Variants in SETBP1 observed in about 807,000 individuals in gnomAD.
SETBP1 encodes SET binding protein 1, also known as SET-binding protein.
SETBP1 carries 9 observed loss-of-function variants against 101.0 expected under a neutral mutation model. The observed-to-expected ratio is 0.09, with a 90% confidence interval of 0.05 to 0.16. The LOEUF is 0.16. SETBP1 is among the 10% of genes least tolerant of loss of function. The pLI is 1.00. For missense variants in SETBP1, 1,858 were observed against 2,033.8 expected, an observed-to-expected ratio of 0.91 and a Z score of 1.66; for synonymous variants, 818 against 788.5, an observed-to-expected ratio of 1.04 and a Z score of -0.63.
intron 2 of SETBP1, among the ~76,000 whole-genome samples, chr18:44,812,112 T>C (rs988383719): frequency 1.3e-5 from 2 of 152,044 alleles, no homozygotes; most frequent in African/African-American, 4.8e-5. Flanking sequence ...GGGGCTCTCA[T>C]GAGGAGACTC....
intron 2 of SETBP1, among the ~76,000 whole-genome samples, chr18:44,767,615 T>A (rs2070786115): frequency 1.3e-5 from 2 of 152,266 alleles, no homozygotes; most frequent in Non-Finnish European, 2.9e-5. Context: ...TTAAATGTGA[T>A]ATGCGTTATT....
intron 2 of SETBP1, among the ~76,000 whole-genome samples, chr18:44,709,080 C>T (rs978149790): frequency 1.3e-5 from 2 of 152,112 alleles, no homozygotes; most frequent in African/African-American, 2.4e-5. Flanking sequence ...ATCCCTCAAC[C>T]CCGTCTTCTA....
intron 2 of SETBP1, among the ~76,000 whole-genome samples, chr18:44,715,723 G>C (rs765622456): frequency 3.9e-5 from 6 of 152,206 alleles, no homozygotes; most frequent in African/African-American, 7.2e-5. Context: ...CTGTATAGTA[G>C]ATTTCCAACA....
chr18:44,724,159 A>T (rs1432183278), intron 2 of SETBP1, among the ~76,000 whole-genome samples: 1 of 152,170 alleles, frequency 6.6e-6, no homozygotes, highest in Non-Finnish European at 1.5e-5. Context: ...AGTGGTTCTA[A>T]TGTTGGATGT....
rs535577749 is a variant in SETBP1, at chr18:44,859,856, T to A, written c.487-9374T>A. Among the ~76,000 whole-genome samples the A allele has an allele frequency of 3.2e-4, 49 of 152,368 alleles. No individual in the cohort carries two copies. In the South Asian group the frequency reaches 5.2e-3, roughly 16 times the overall value. On this transcript the variant is annotated intron_variant, in intron 2 of 5. Transcript: ENST00000649279. Reference sequence around the variant, plus strand: ...CAACTACAAGGTTCAGTTCATTGAGTTCTGCCTGGCTTTATCCCTTTCGGA... The same window carrying A: ...CAACTACAAGGTTCAGTTCATTGAGATCTGCCTGGCTTTATCCCTTTCGGA...
At chr18:44,872,757 C>T (rs1042803529) in intron 3 of SETBP1, among the ~76,000 whole-genome samples, 3 of 152,230 alleles carry the variant, frequency 2.0e-5, no homozygotes, top group African/African-American at 7.2e-5. Context: ...CACATGCTTA[C>T]GAGGTGGGGG....
At chr18:44,737,849 G>T (rs1441050461) in intron 2 of SETBP1, among the ~76,000 whole-genome samples, 1 of 152,180 alleles carries the variant, frequency 6.6e-6, no homozygotes, top group Admixed American at 6.5e-5. Flanking sequence ...AATCCCATCA[G>T]CATGGGCCAA....
intron 2 of SETBP1, among the ~76,000 whole-genome samples, chr18:44,839,088 C>A (rs1178230865): frequency 4.0e-5 from 6 of 149,956 alleles, no homozygotes; most frequent in African/African-American, 9.7e-5. Flanking sequence ...AAAAAAAAAA[C>A]CCAGCCTTCT....
intron 4 of SETBP1, among the ~76,000 whole-genome samples, chr18:45,020,292 A>AAAAC (rs2073032462): frequency 7.5e-6 from 1 of 132,696 alleles, no homozygotes; most frequent in Non-Finnish European, 1.6e-5. Flanking sequence ...AAAAAAAAAA[A>AAAAC]AAAGTGGCTT....
At chr18:44,942,977 T>C (rs1038231914) in intron 3 of SETBP1, among the ~76,000 whole-genome samples, 1 of 152,180 alleles carries the variant, frequency 6.6e-6, no homozygotes, top group African/African-American at 2.4e-5. Context: ...ACATATTTAA[T>C]TGGAAACTTC....
At chr18:44,697,661 A>G (rs550202736) in intron 1 of SETBP1, among the ~76,000 whole-genome samples, 1 of 152,362 alleles carries the variant, frequency 6.6e-6, no homozygotes, top group African/African-American at 2.4e-5. Context: ...AGCTGCAATC[A>G]TGTTAGAGAA....
intron 3 of SETBP1, among the ~76,000 whole-genome samples, chr18:44,883,791 C>G (rs1440767920): frequency 6.6e-6 from 1 of 152,066 alleles, no homozygotes; most frequent in Non-Finnish European, 1.5e-5. Context: ...TCCAAAAATT[C>G]TCAGCTGTTA....
intron 5 of SETBP1, among the ~76,000 whole-genome samples, chr18:45,045,457 C>T (rs930818769): frequency 1.3e-5 from 2 of 151,116 alleles, no homozygotes; most frequent in Admixed American, 6.6e-5. Context: ...TGGCAGATTC[C>T]AAGCCTTTAA....
At chr18:44,984,170 G>T (rs956737515) in intron 4 of SETBP1, among the ~76,000 whole-genome samples, 1 of 146,132 alleles carries the variant, frequency 6.8e-6, no homozygotes, top group Non-Finnish European at 1.5e-5. Flanking sequence ...TCTAGCCTGG[G>T]AGACAGAGCA....
intron 4 of SETBP1, among the ~76,000 whole-genome samples, chr18:45,032,744 G>C (rs1489217243): frequency 6.6e-6 from 1 of 152,086 alleles, no homozygotes; most frequent in African/African-American, 2.4e-5. Context: ...GCCCAAAGGT[G>C]CCCTCTCTTT....
At chr18:45,059,955 T>C (rs543086425) in intron 5 of SETBP1, among the ~76,000 whole-genome samples, 1 of 152,324 alleles carries the variant, frequency 6.6e-6, no homozygotes, top group East Asian at 1.9e-4. Flanking sequence ...CCTCCACAAC[T>C]GGACTCTGAA....
intron 5 of SETBP1, among the ~76,000 whole-genome samples, chr18:45,053,012 G>A (rs769216705): frequency 6.6e-5 from 10 of 152,142 alleles, no homozygotes; most frequent in Admixed American, 3.3e-4. Context: ...TTGCATTTAA[G>A]CTTAACACCC....
Position 44,950,350 on chromosome 18 carries a change from C to T in SETBP1, c.1010C>T (p.Ser337Phe), listed in dbSNP as rs1289767271. The T allele has an allele frequency of 6.2e-7, 1 of 1,613,820 alleles. No homozygotes were observed. The highest frequency in any genetic ancestry group is 8.5e-7 in the Non-Finnish European group (1 of 1,180,010). Residue 337 changes from serine to phenylalanine, a missense_variant, in exon 4 of 6, where the codon TCC (serine) becomes TTC (phenylalanine). By Grantham distance (155) the Ser-to-Phe change is radical. This residue lies in a region of SETBP1 where 581 missense variants were observed against 535.1 expected (regional missense o/e 1.09). Transcript: ENST00000649279. ...CCTACGGTGGGCAGCAAGAAAAAGT[C>T]CAGTAAAAAAGATGTGATAAGTCAG... is the stretch of plus-strand genomic sequence containing the variant. Reference protein sequence around the residue: ...EPPTVGSKKKSSKKDVISQTI... With the variant: ...EPPTVGSKKKFSKKDVISQTI...
intron 2 of SETBP1, among the ~76,000 whole-genome samples, chr18:44,823,985 G>A (rs2072176224): frequency 6.6e-6 from 1 of 152,176 alleles, no homozygotes; most frequent in Admixed American, 6.5e-5. Flanking sequence ...ATCCCAGGTG[G>A]CTGTGAGGAT....
Sources: allele counts gnomAD v4.1 joint callset (sites outside exome capture counted in the v4.1 genomes callset), GRCh38; gene constraint gnomAD v4.1.1; regional missense constraint gnomAD v4.1.1; transcripts MANE v1.5; gene names NCBI Gene and HGNC (gene_info 2026-07-23, HGNC 2026-07-21).